FAM107B: variants seen among roughly 807,000 people sequenced by gnomAD.
FAM107B encodes the protein protein FAM107B.
A neutral mutation model predicts 31.5 loss-of-function variants in FAM107B; 21 were observed. That is an observed-to-expected ratio of 0.67 (90% CI 0.47 to 0.96). The LOEUF (loss-of-function observed/expected upper bound fraction) is 0.96. FAM107B is among the 40% of genes least tolerant of loss of function. FAM107B has a pLI of 0.00. For synonymous variants in FAM107B, 157 were observed against 141.5 expected, an observed-to-expected ratio of 1.11 and a Z score of -0.78; for missense variants, 452 against 377.1, an observed-to-expected ratio of 1.20 and a Z score of -1.64.
At chr10:14,761,664 A>C (rs899351917) in intron 1 of FAM107B, among the ~76,000 whole-genome samples, 1 of 151,886 alleles carries the variant, frequency 6.6e-6, no homozygotes, top group Non-Finnish European at 1.5e-5. Context: ...CAGTGGTGCG[A>C]TCTCAGCTCA....
chr10:14,554,407 G>A (rs560347874), intron 2 of FAM107B, among the ~76,000 whole-genome samples: 11 of 152,300 alleles, frequency 7.2e-5, no homozygotes, highest in African/African-American at 2.2e-4. Context: ...CATAAGGGCC[G>A]GAACTCAGAC....
chr10:14,651,488 C>T (rs1164580264), intron 2 of FAM107B, among the ~76,000 whole-genome samples: 3 of 152,050 alleles, frequency 2.0e-5, no homozygotes, highest in Non-Finnish European at 4.4e-5. Flanking sequence ...GCCTGTAATC[C>T]CAGCTACTTA....
intron 1 of FAM107B, among the ~76,000 whole-genome samples, chr10:14,704,909 A>T (rs1021918260): frequency 3.3e-5 from 5 of 151,010 alleles, no homozygotes; most frequent in African/African-American, 1.2e-4. Context: ...CTGTAATCCC[A>T]GTTACTTGGG....
chr10:14,679,753 G>C (rs1854783092), intron 1 of FAM107B, among the ~76,000 whole-genome samples: 1 of 152,204 alleles, frequency 6.6e-6, no homozygotes, highest in South Asian at 2.1e-4. Flanking sequence ...ATTAACATTT[G>C]AGACAGTGGA....
chr10:14,715,200 T>C (rs972179920), intron 1 of FAM107B, among the ~76,000 whole-genome samples: 3 of 152,044 alleles, frequency 2.0e-5, no homozygotes, highest in African/African-American at 7.3e-5. Context: ...CAAAAACTCA[T>C]TGGCATCTTC....
intron 2 of FAM107B, chr10:14,663,375 T>C (rs1854300995): frequency 6.6e-6 from 1 of 152,240 alleles, no homozygotes; most frequent in South Asian, 2.1e-4. Flanking sequence ...ACATAGAAAG[T>C]GCAGGTGTGA....
intron 2 of FAM107B, among the ~76,000 whole-genome samples, chr10:14,625,520 G>C (rs551044227): frequency 6.6e-6 from 1 of 152,130 alleles, no homozygotes; most frequent in African/African-American, 2.4e-5. Flanking sequence ...TCTGCAGGGA[G>C]CTCATAAGAA....
chr10:14,666,470 G>A (rs1854406165), intron 2 of FAM107B, among the ~76,000 whole-genome samples: 1 of 152,054 alleles, frequency 6.6e-6, no homozygotes, highest in Admixed American at 6.6e-5. Context: ...ACCTCCTACT[G>A]CGTCCCTCCC....
intron 2 of FAM107B, among the ~76,000 whole-genome samples, chr10:14,569,417 A>G (rs1003229617): frequency 9.2e-5 from 14 of 151,496 alleles, no homozygotes; most frequent in Non-Finnish European, 1.9e-4. Flanking sequence ...GTGTGTGTGC[A>G]TGCATGCATG....
At chr10:14,527,273 G>A (rs1017875293) in intron 3 of FAM107B, among the ~76,000 whole-genome samples, 4 of 151,582 alleles carry the variant, frequency 2.6e-5, no homozygotes, top group Non-Finnish European at 5.9e-5. Context: ...GGTTTTAACC[G>A]TCAGACCTAG....
chr10:14,701,855 G>A (rs1319768903), intron 1 of FAM107B, among the ~76,000 whole-genome samples: 3 of 152,138 alleles, frequency 2.0e-5, no homozygotes, highest in Non-Finnish European at 4.4e-5. Context: ...CTGGAACCTG[G>A]AGCAGGGCTG....
At chr10:14,762,312 G>A (rs1487338388) in intron 1 of FAM107B, among the ~76,000 whole-genome samples, 1 of 152,206 alleles carries the variant, frequency 6.6e-6, no homozygotes, top group Non-Finnish European at 1.5e-5. Context: ...CTCACAGATG[G>A]TTAGTTAGTC....
chr10:14,557,883 T>A (rs1849838942), intron 2 of FAM107B, among the ~76,000 whole-genome samples: 1 of 152,208 alleles, frequency 6.6e-6, no homozygotes, highest in African/African-American at 2.4e-5. Context: ...GAGTGCCAGC[T>A]CTTACTCGAT....
chr10:14,697,543 G>A (rs1349924742), intron 1 of FAM107B, among the ~76,000 whole-genome samples: 4 of 152,172 alleles, frequency 2.6e-5, no homozygotes, highest in Admixed American at 2.6e-4. Context: ...TCTTACGATA[G>A]CCTTGAAGGA....
intron 2 of FAM107B, among the ~76,000 whole-genome samples, chr10:14,611,812 ATTTATAAATAT>A (rs1852734519): frequency 6.6e-6 from 1 of 151,868 alleles, no homozygotes; most frequent in Non-Finnish European, 1.5e-5. Flanking sequence ...AAGCTCATTC[ATTTATAAATAT>A]GTATAAAAAT....
chr10:14,602,999 C>CCCCA (rs1554839346), intron 2 of FAM107B: 3 of 146,962 alleles, frequency 2.0e-5, no homozygotes, highest in African/African-American at 2.5e-5. Context: ...ACCCTCTTTC[C>CCCCA]CACACACACA....
intron 1 of FAM107B, among the ~76,000 whole-genome samples, chr10:14,747,726 C>T (rs981572124): frequency 7.2e-5 from 11 of 152,328 alleles, no homozygotes; most frequent in South Asian, 2.1e-4. Context: ...AGGAACACTC[C>T]TGTATAAGGT....
At chr10:14,768,616 G>A (rs953872937) in intron 1 of FAM107B, among the ~76,000 whole-genome samples, 3 of 152,226 alleles carry the variant, frequency 2.0e-5, no homozygotes, top group African/African-American at 7.2e-5. Context: ...GCACCACAAT[G>A]TGAATATGCC....
intron 2 of FAM107B, among the ~76,000 whole-genome samples, chr10:14,643,484 A>T (rs1853679413): frequency 6.7e-6 from 1 of 149,702 alleles, no homozygotes; most frequent in South Asian, 2.1e-4. Context: ...ATCTCGGTTC[A>T]CTGCAGTCTC....
Sources: allele counts gnomAD v4.1 joint callset (sites outside exome capture counted in the v4.1 genomes callset), GRCh38; gene constraint gnomAD v4.1.1; transcripts MANE v1.5; gene names NCBI Gene and HGNC (gene_info 2026-07-23, HGNC 2026-07-21).